TEX15: variants seen among roughly 807,000 people sequenced by gnomAD.
TEX15 encodes the protein testis-expressed protein 15.
In TEX15, 171 loss-of-function variants were observed where a neutral mutation model predicts 237.3. The observed-to-expected ratio is 0.72, with a 90% CI of 0.64 to 0.82. TEX15 has a LOEUF of 0.82. Among genes scored for constraint, TEX15 ranks in the 40% least tolerant of loss-of-function variants. The pLI, the probability that TEX15 is intolerant of heterozygous loss-of-function variation, is 0.00. For missense variants in TEX15, 3,750 were observed against 3,646.5 expected (o/e 1.03, Z -0.73); for synonymous variants, 1,338 against 1,269.8 (o/e 1.05, Z -1.14).
chr8:30,889,927 T>TTATATACATATATA (rs1554502264), intron 2 of TEX15, among the ~76,000 whole-genome samples: 5 of 109,920 alleles, frequency 4.5e-5, no homozygotes, highest in African/African-American at 2.1e-4. Flanking sequence ...TATGTATTAG[T>TTATATACATATATA]TATATACATA....
Position 30,843,164 on chromosome 8 carries a change from C to T in TEX15, c.7003G>A (p.Asp2335Asn). 5 of 1,613,350 alleles carry T rather than the reference C, an allele frequency of 3.1e-6. No homozygotes were observed. Among genetic ancestry groups the T allele is most frequent in the Admixed American group, 1.7e-5 (1 of 59,964 alleles). Reference sequence around the variant, plus strand: ...GACTTTCTGGAAGCAATTATAGTATCCTCCTCAAGCCCAATAGGGGAAATT... The same window carrying T: ...GACTTTCTGGAAGCAATTATAGTATTCTCCTCAAGCCCAATAGGGGAAATT... ...EPISPIGLEE[D>N]TIIASRKSDH... Residue 2335 changes from aspartate to asparagine, a missense_variant, in exon 8 of 11, where the codon GAT (aspartate) becomes AAT (asparagine). Transcript: ENST00000643185.
intron 3 of TEX15, among the ~76,000 whole-genome samples, chr8:30,884,273 T>C (rs1284427628): frequency 6.6e-6 from 1 of 152,262 alleles, no homozygotes; most frequent in Non-Finnish European, 1.5e-5. Flanking sequence ...ATCAGTGATG[T>C]TGAGCTTTTC....
rs1197948028 is a variant in TEX15 at position 30,842,880 on chromosome 8, GT to G, written c.7286del (p.Asn2429ThrfsTer9). On this transcript the variant is annotated frameshift_variant, in exon 8 of 11. Transcript: ENST00000643185. LOFTEE classifies it high-confidence loss of function. ...TTAAAATGATAGCCTCATGGCTGTGGTTTATCACCACGTCTAAAACATTTTC... is the reference window on the plus strand; with the variant it reads ...TTAAAATGATAGCCTCATGGCTGTGGTTATCACCACGTCTAAAACATTTTC... ...TEENVLDVVI[N>X]HSHEAIILKP... 2.4e-5 allele frequency: 39 copies of G among 1,610,714 alleles called. No homozygotes were observed. Among genetic ancestry groups the G allele is most frequent in the Non-Finnish European group, 3.1e-5 (37 of 1,178,104 alleles).
At chr8:30,859,827 A>C in intron 6 of TEX15, 84 bp downstream of exon 6, 1 of 1,058,578 alleles carries the variant, frequency 9.4e-7, no homozygotes, top group Non-Finnish European at 1.2e-6. Context: ...AGAGATTTTC[A>C]TTTAACATTT....
intron 4 of TEX15, among the ~76,000 whole-genome samples, chr8:30,873,953 G>T (rs374494634): frequency 2.0e-5 from 3 of 152,098 alleles, no homozygotes; most frequent in Admixed American, 1.3e-4. Flanking sequence ...CTAACAGGGA[G>T]AAATAACTTG....
At position 30,843,056 on chromosome 8, in the gene TEX15, A is replaced by G; in HGVS notation, c.7111T>C (p.Cys2371Arg). ...SNLLAHPDIC[C>R]ISEILDQAEF... ...GCCTGATCCAATATCTCACTAATAC[A>G]ACAAATATCTGGGTGTGCAAGCAAA... Residue 2371 changes from cysteine to arginine, a missense_variant, in exon 8 of 11, where the codon TGT (cysteine) becomes CGT (arginine). Cys to Arg is a radical substitution (Grantham distance 180). Transcript: ENST00000643185. 6.2e-7 allele frequency: 1 copy of G among 1,613,546 alleles called. No homozygotes were observed. The highest frequency in any genetic ancestry group is 8.5e-7 in the Non-Finnish European group (1 of 1,179,702).
Position 30,845,947 on chromosome 8 carries a change from T to C in TEX15, c.4220A>G (p.Glu1407Gly), listed in dbSNP as rs1257371033. 1 of 1,613,030 alleles carries C rather than the reference T, an allele frequency of 6.2e-7. No individual in the cohort carries two copies. Among genetic ancestry groups the C allele is most frequent in the Admixed American group, 1.7e-5 (1 of 59,916 alleles). The change falls in exon 8 of 11, where the codon GAA becomes GGA. Residue 1407 changes from glutamate (E) to glycine (G), a missense_variant. Transcript: ENST00000643185. ...TGATTTTGGTAATGGGCCCTTTCTTTCTTCTCCTACTTTAGTTATAAGCTG... is the reference window on the plus strand; with the variant it reads ...TGATTTTGGTAATGGGCCCTTTCTTCCTTCTCCTACTTTAGTTATAAGCTG... ...SLQLITKVGEERKGPLPKSYA... is the reference protein window; with the variant it reads ...SLQLITKVGEGRKGPLPKSYA...
chr8:30,838,808 A>AGTTCAAC (rs1807375611), intron 9 of TEX15, among the ~76,000 whole-genome samples: 1 of 102,502 alleles, frequency 9.8e-6, no homozygotes, highest in Non-Finnish European at 1.8e-5. Flanking sequence ...ATATATATAT[A>AGTTCAAC]TATATATATA....
intron 6 of TEX15, among the ~76,000 whole-genome samples, chr8:30,859,096 T>C (rs2128770361): frequency 6.6e-6 from 1 of 152,182 alleles, no homozygotes; most frequent in Admixed American, 6.5e-5. Flanking sequence ...AAAAGCTAAA[T>C]GTTTTGCATG....
intron 7 of TEX15, among the ~76,000 whole-genome samples, chr8:30,858,368 G>A (rs182328054): frequency 7.5e-4 from 113 of 151,498 alleles, no homozygotes; most frequent in African/African-American, 2.1e-3. Context: ...GCTGGGCGCA[G>A]TGGTGTGATC....
At chr8:30,893,011 C>T (rs1450375972) in intron 2 of TEX15, among the ~76,000 whole-genome samples, 5 of 136,336 alleles carry the variant, frequency 3.7e-5, no homozygotes, top group African/African-American at 8.6e-5. Context: ...CCAGCCTGGG[C>T]GACAGAGCGA....
intron 4 of TEX15, among the ~76,000 whole-genome samples, chr8:30,868,953 A>T (rs1398177254): frequency 6.6e-6 from 1 of 151,672 alleles, no homozygotes; most frequent in Non-Finnish European, 1.5e-5. Context: ...ATATAACAAT[A>T]AAAATCTAAT....
intron 7 of TEX15, among the ~76,000 whole-genome samples, chr8:30,849,905 T>C (rs323348): frequency 0.36 from 54,208 of 151,738 alleles, 14,809 homozygotes; most frequent in African/African-American, 0.76. Flanking sequence ...TCTCGGGGGC[T>C]GGGGGCAGAG....
intron 5 of TEX15, among the ~76,000 whole-genome samples, chr8:30,865,265 T>G (rs1011882136): frequency 6.6e-6 from 1 of 151,782 alleles, no homozygotes; most frequent in Admixed American, 6.6e-5. Context: ...GACTGAACCA[T>G]GAAGAAAAAG....
intron 9 of TEX15, among the ~76,000 whole-genome samples, chr8:30,839,070 C>T (rs1807386056): frequency 6.6e-6 from 1 of 151,970 alleles, no homozygotes; most frequent in South Asian, 2.1e-4. Context: ...CCCGCCTTGG[C>T]CTCCCAAAGT....
At position 30,837,651 on chromosome 8, in the gene TEX15, T is replaced by A. The variant is rs747867395; in HGVS notation, c.8633A>T (p.Asp2878Val). 10 of 1,614,062 alleles carry A rather than the reference T, an allele frequency of 6.2e-6. No individual in the cohort carries two copies. Among genetic ancestry groups the A allele is most frequent in the Non-Finnish European group, 8.5e-6 (10 of 1,179,996 alleles). The change falls in exon 10 of 11, where the codon GAT becomes GTT. Residue 2878 changes from aspartate to valine, a missense_variant. Transcript: ENST00000643185. Reference protein sequence around the residue: ...PDPTQKSCLSDINPETDVSLV... With the variant: ...PDPTQKSCLSVINPETDVSLV... ...AGAAACATCAGTTTCTGGGTTTATA[T>A]CAGAAAGGCAGGATTTTTGGGTGGG... is the stretch of plus-strand genomic sequence containing the variant.
intron 2 of TEX15, among the ~76,000 whole-genome samples, chr8:30,888,980 C>T (rs1215985185): frequency 6.6e-6 from 1 of 152,292 alleles, no homozygotes; most frequent in Non-Finnish European, 1.5e-5. Flanking sequence ...AGATACTTGT[C>T]AAGGCTGCCA....
chr8:30,895,831 C>T (rs1380602344), intron 2 of TEX15, among the ~76,000 whole-genome samples: 2 of 151,786 alleles, frequency 1.3e-5, no homozygotes, highest in Non-Finnish European at 2.9e-5. Flanking sequence ...CAGGCATCTG[C>T]CACCACACCT....
intron 3 of TEX15, 133 bp downstream of exon 3, chr8:30,887,034 T>C (rs1331392401): frequency 8.3e-6 from 6 of 725,426 alleles, no homozygotes; most frequent in Non-Finnish European, 1.3e-5. Flanking sequence ...CATAAGTACA[T>C]GTATGTTTAA....
Sources: allele counts gnomAD v4.1 joint callset (sites outside exome capture counted in the v4.1 genomes callset), GRCh38; gene constraint gnomAD v4.1.1; transcripts MANE v1.5; gene names NCBI Gene and HGNC (gene_info 2026-07-23, HGNC 2026-07-21).